Variants in GPHN observed in about 807,000 individuals in gnomAD.
GPHN encodes gephyrin.
A neutral mutation model predicts 95.5 loss-of-function variants in GPHN; 17 were observed. The observed-to-expected ratio is 0.18, with a 90% CI of 0.12 to 0.27. The LOEUF is 0.27. GPHN is among the 10% of genes least tolerant of loss of function. The probability of loss-of-function intolerance (pLI) is 1.00; values close to 1 mark genes in which losing one functional copy is unlikely to be tolerated. For missense variants in GPHN, 660 were observed against 978.1 expected (o/e 0.67, Z 4.34); for synonymous variants, 320 against 322.5 (o/e 0.99, Z 0.08).
At chr14:66,518,094 CAAAT>C (rs144895971) in intron 1 of GPHN, among the ~76,000 whole-genome samples, 8,773 of 143,860 alleles carry the variant, frequency 0.061, 303 homozygotes, top group African/African-American at 0.1. Flanking sequence ...TCTTAACAGC[CAAAT>C]AAATAAATAA....
chr14:67,657,751 CTTTT>C, the GPHN span, among the ~76,000 whole-genome samples: 5 of 115,124 alleles, frequency 4.3e-5, no homozygotes, highest in East Asian at 5.0e-4. Context: ...TTCTTTCTTT[CTTTT>C]TTTTTTTTTT....
At chr14:67,232,263 C>A in the GPHN span, among the ~76,000 whole-genome samples, 1 of 152,324 alleles carries the variant, frequency 6.6e-6, no homozygotes, top group Non-Finnish European at 1.5e-5. Context: ...CTGTCACATC[C>A]TTAGATCATT....
the GPHN span, chr14:67,398,126 A>T: frequency 7.6e-6 from 2 of 262,788 alleles, no homozygotes; most frequent in African/African-American, 4.4e-5. Context: ...TTGCTAACAT[A>T]TTGTATTTCC....
At chr14:67,210,791 T>C in the GPHN span, among the ~76,000 whole-genome samples, 1 of 152,014 alleles carries the variant, frequency 6.6e-6, no homozygotes, top group Non-Finnish European at 1.5e-5. Context: ...GGGATGCAGA[T>C]AGCTTGAGTC....
chr14:67,075,939 A>G (rs540819936), intron 11 of GPHN, among the ~76,000 whole-genome samples: 9 of 152,356 alleles, frequency 5.9e-5, no homozygotes, highest in African/African-American at 2.2e-4. Flanking sequence ...AATATTACAT[A>G]AACTTAGTTG....
intron 1 of GPHN, among the ~76,000 whole-genome samples, chr14:66,608,858 TTTGAGGCTTTCGGTA>T (rs1453156356): frequency 6.6e-6 from 1 of 152,140 alleles, no homozygotes; most frequent in Non-Finnish European, 1.5e-5. Flanking sequence ...TCCCTTTAAT[TTTGAGGCTTTCGGTA>T]TTGTTACATG....
Position 67,156,894 on chromosome 14 carries a change from A to G in GPHN, c.1837-2521A>G, listed in dbSNP as rs551408253. ...CTGAGACATGCAATCGTTTGAACCC[A>G]GGAGACAGAGGTTGCCAACGTGAGC... On this transcript the variant is annotated intron_variant, in intron 18 of 22. Coordinates refer to ENST00000478722, the MANE Select transcript of GPHN (RefSeq NM_020806.5). 5.3e-5 allele frequency among the ~76,000 whole-genome samples: 8 copies of G among 151,894 alleles called. No homozygotes were observed. In the South Asian group the frequency reaches 1.5e-3, roughly 28 times the overall value.
chr14:67,381,512 A>G, the GPHN span: 4 of 1,067,072 alleles, frequency 3.7e-6, no homozygotes, highest in Non-Finnish European at 5.8e-6. Context: ...ATACTAATAT[A>G]TCTGCCACGT....
chr14:66,919,794 T>C (rs1484623610), intron 6 of GPHN, among the ~76,000 whole-genome samples: 3 of 152,016 alleles, frequency 2.0e-5, no homozygotes, highest in Admixed American at 6.6e-5. Flanking sequence ...TGGCCAGGCG[T>C]TGGGGCTCAG....
intron 2 of GPHN, among the ~76,000 whole-genome samples, chr14:66,719,503 G>A (rs1663561743): frequency 6.6e-6 from 1 of 152,098 alleles, no homozygotes; most frequent in Admixed American, 6.6e-5. Context: ...CCTGGGTCCT[G>A]CAGGAGCGGT....
the GPHN span, among the ~76,000 whole-genome samples, chr14:67,641,398 A>C: frequency 6.6e-6 from 1 of 152,236 alleles, no homozygotes; most frequent in African/African-American, 2.4e-5. Flanking sequence ...TTGGAGCCAG[A>C]TGGCCTAGAT....
chr14:67,662,926 G>A, the GPHN span: 1 of 883,684 alleles, frequency 1.1e-6, no homozygotes, highest in Non-Finnish European at 1.5e-6. Context: ...AAAAAAGAAT[G>A]TTTACCAATA....
chr14:67,339,404 T>C, the GPHN span, among the ~76,000 whole-genome samples: 1 of 152,184 alleles, frequency 6.6e-6, no homozygotes, highest in Non-Finnish European at 1.5e-5. Flanking sequence ...CTGAGTATCA[T>C]GGAAGGACAG....
chr14:66,743,728 C>T (rs957329771), intron 2 of GPHN, among the ~76,000 whole-genome samples: 6 of 152,088 alleles, frequency 3.9e-5, no homozygotes, highest in Admixed American at 2.0e-4. Context: ...GACGACAGAG[C>T]GAGACTCCAT....
intron 4 of GPHN, among the ~76,000 whole-genome samples, chr14:66,864,101 C>G (rs1454499490): frequency 6.6e-6 from 1 of 152,092 alleles, no homozygotes; most frequent in Non-Finnish European, 1.5e-5. Flanking sequence ...ATGTAAGAAG[C>G]TCAAACAACT....
intron 1 of GPHN, among the ~76,000 whole-genome samples, chr14:66,532,127 A>G (rs1350519591): frequency 6.6e-6 from 1 of 152,238 alleles, no homozygotes; most frequent in Admixed American, 6.5e-5. Context: ...TGTGAATCGA[A>G]CTTTTATATT....
the GPHN span, among the ~76,000 whole-genome samples, chr14:67,324,897 A>ATTTTTTTTTTT: frequency 1.3e-5 from 1 of 76,328 alleles, no homozygotes; most frequent in African/African-American, 5.8e-5. Flanking sequence ...CCTTCCTTTC[A>ATTTTTTTTTTT]TTTTTTTTTT....
intron 10 of GPHN, among the ~76,000 whole-genome samples, chr14:67,056,428 T>C (rs1324264237): frequency 6.6e-6 from 1 of 152,158 alleles, no homozygotes; most frequent in East Asian, 1.9e-4. Flanking sequence ...AGAGTGCTGA[T>C]TGGTGTGTTT....
At chr14:67,277,468 G>A in the GPHN span, among the ~76,000 whole-genome samples, 2 of 152,112 alleles carry the variant, frequency 1.3e-5, no homozygotes, top group African/African-American at 2.4e-5. Flanking sequence ...AGATTGGCTG[G>A]TATTAGGAAT....
Sources: allele counts gnomAD v4.1 joint callset (sites outside exome capture counted in the v4.1 genomes callset), GRCh38; gene constraint gnomAD v4.1.1; transcripts MANE v1.5; gene names NCBI Gene and HGNC (gene_info 2026-07-23, HGNC 2026-07-21).